ZFHX3: variants seen among roughly 807,000 people sequenced by gnomAD.
ZFHX3 encodes zinc finger homeobox 3, also known as zinc finger homeobox protein 3.
In ZFHX3, 42 loss-of-function variants were observed where a neutral mutation model predicts 279.1. The ratio of observed to expected loss-of-function variants is 0.15; its 90% confidence interval spans 0.12 to 0.19. The LOEUF (loss-of-function observed/expected upper bound fraction) is 0.19, where lower values mean the gene tolerates loss of function less well. ZFHX3 is among the 10% of genes least tolerant of loss of function. ZFHX3 has a pLI of 1.00. For missense variants in ZFHX3, 4,981 were observed against 4,754.0 expected (o/e 1.05, Z -1.40); for synonymous variants, 2,293 against 1,957.8 (o/e 1.17, Z -4.52).
chr16:73,588,482 C>T (rs183632268), intron 2 of ZFHX3, among the ~76,000 whole-genome samples: 60 of 151,252 alleles, frequency 4.0e-4, no homozygotes, highest in East Asian at 3.7e-3. Context: ...GCCAGGAGAT[C>T]GAGACCATCC....
chr16:73,545,760 G>C (rs975453491), intron 2 of ZFHX3, among the ~76,000 whole-genome samples: 24 of 150,578 alleles, frequency 1.6e-4, no homozygotes, highest in African/African-American at 5.6e-4. Context: ...TCAGGAAACA[G>C]AGGCAGAAAT....
intron 1 of ZFHX3, among the ~76,000 whole-genome samples, chr16:73,833,421 G>T (rs965794123): frequency 6.6e-6 from 1 of 152,142 alleles, no homozygotes; most frequent in Non-Finnish European, 1.5e-5. Context: ...ATAAAGCACA[G>T]TTCCTGTCCT....
intron 5 of ZFHX3, among the ~76,000 whole-genome samples, chr16:72,827,362 G>C (rs1325201850): frequency 1.3e-5 from 2 of 152,138 alleles, no homozygotes; most frequent in East Asian, 3.8e-4. Context: ...AATCCTCGTA[G>C]CAATCCTACA....
chr16:72,852,304 A>T (rs980783724), intron 4 of ZFHX3, among the ~76,000 whole-genome samples: 1 of 152,056 alleles, frequency 6.6e-6, no homozygotes, highest in Non-Finnish European at 1.5e-5. Flanking sequence ...ATTCGTTTGC[A>T]TTTTTTTTCT....
At chr16:73,259,896 T>A (rs2013769302) in intron 4 of ZFHX3, among the ~76,000 whole-genome samples, 1 of 152,212 alleles carries the variant, frequency 6.6e-6, no homozygotes, top group Non-Finnish European at 1.5e-5. Context: ...AATCAAGAAA[T>A]TAACATTGCT....
At position 73,739,209 on chromosome 16, in the gene ZFHX3, G is replaced by T. The variant is rs576608163; in HGVS notation, c.-1607-58969C>A. Among the ~76,000 whole-genome samples, 5 of 152,302 alleles carry T rather than the reference G, an allele frequency of 3.3e-5. No individual in the cohort carries two copies. The East Asian group carries it at 9.6e-4, about 29-fold the overall frequency. On this transcript the variant is annotated intron_variant, in intron 1 of 17. Transcript: ENST00000641206. ...GTTTCTGCTTTCCTGACTAGGCTCT[G>T]ACAGATACACAGGAGTTGTGCATTT...
intron 3 of ZFHX3, among the ~76,000 whole-genome samples, chr16:73,380,886 A>G (rs1310710885): frequency 6.6e-6 from 1 of 152,112 alleles, no homozygotes; most frequent in Non-Finnish European, 1.5e-5. Flanking sequence ...GGGTCACTCT[A>G]TCCTCACCAG....
intron 8 of ZFHX3, among the ~76,000 whole-genome samples, chr16:73,077,072 G>C (rs904581871): frequency 2.0e-5 from 3 of 152,070 alleles, no homozygotes; most frequent in Admixed American, 1.3e-4. Context: ...TCTCAAAAAG[G>C]ATGCGCTAAT....
chr16:73,494,647 G>A (rs769959425), intron 2 of ZFHX3, among the ~76,000 whole-genome samples: 7 of 149,472 alleles, frequency 4.7e-5, no homozygotes, highest in East Asian at 2.0e-4. Flanking sequence ...CGCAACCTCC[G>A]CCCACGGGTT....
At chr16:73,190,376 T>C (rs1968004399) in intron 5 of ZFHX3, among the ~76,000 whole-genome samples, 1 of 152,150 alleles carries the variant, frequency 6.6e-6, no homozygotes. Flanking sequence ...TTAGAGAGAA[T>C]GGGGACAGGC....
intron 2 of ZFHX3, among the ~76,000 whole-genome samples, chr16:73,541,767 C>T (rs2020016466): frequency 6.7e-6 from 1 of 150,128 alleles, no homozygotes; most frequent in African/African-American, 2.5e-5. Flanking sequence ...GTCCTCCTGC[C>T]CTCCTGTTTG....
chr16:73,773,420 C>A (rs1257840493), intron 1 of ZFHX3, among the ~76,000 whole-genome samples: 2 of 152,178 alleles, frequency 1.3e-5, no homozygotes, highest in Admixed American at 6.5e-5. Flanking sequence ...TGGTCCTCAC[C>A]TTTATGCATC....
upstream of ZFHX3, among the ~76,000 whole-genome samples, chr16:73,052,193 G>A (rs553836227): frequency 2.7e-5 from 4 of 150,502 alleles, no homozygotes; most frequent in East Asian, 5.9e-4. Context: ...ATGGGATACT[G>A]CCTGTTTATA....
At chr16:72,816,197 A>C (rs2036601508) in intron 5 of ZFHX3, among the ~76,000 whole-genome samples, 1 of 152,208 alleles carries the variant, frequency 6.6e-6, no homozygotes, top group South Asian at 2.1e-4. Context: ...TTTAAGTTCA[A>C]CTGTCCATGA....
intron 1 of ZFHX3, among the ~76,000 whole-genome samples, chr16:72,967,576 A>G (rs1476599950): frequency 6.6e-6 from 1 of 152,162 alleles, no homozygotes; most frequent in African/African-American, 2.4e-5. Flanking sequence ...CATCTTCATC[A>G]TCATCCACTC....
chr16:73,623,492 T>G (rs2052387677), intron 2 of ZFHX3, among the ~76,000 whole-genome samples: 1 of 152,134 alleles, frequency 6.6e-6, no homozygotes, highest in Admixed American at 6.5e-5. Context: ...AGGGCCCATA[T>G]AAAACAGGCA....
chr16:73,705,369 G>A (rs952943737), intron 1 of ZFHX3, among the ~76,000 whole-genome samples: 5 of 152,110 alleles, frequency 3.3e-5, no homozygotes, highest in African/African-American at 1.2e-4. Flanking sequence ...TTCTGGTCCA[G>A]GGTGAGAGGG....
At position 73,011,856 on chromosome 16, in the gene ZFHX3, C is replaced by CT. The variant is rs1017065503; in HGVS notation, c.-50+35895dup. On this transcript the variant is annotated intron_variant, in intron 1 of 9. Transcript: ENST00000268489. ...TCCTCAACTCAATTCGGTGGGATACCTTTTTTTATCTTGGTGTTATTTGGG... is the reference window on the plus strand; with the variant it reads ...TCCTCAACTCAATTCGGTGGGATACCTTTTTTTTATCTTGGTGTTATTTGGG... 3.3e-5 allele frequency among the ~76,000 whole-genome samples: 5 copies of CT among 151,882 alleles called. No homozygotes were observed. The East Asian group carries it at 9.7e-4, about 29-fold the overall frequency.
upstream of ZFHX3, among the ~76,000 whole-genome samples, chr16:73,052,318 A>C (rs1187789605): frequency 2.6e-5 from 4 of 151,606 alleles, no homozygotes; most frequent in Non-Finnish European, 5.9e-5. Context: ...TCGAAAGTAC[A>C]ACAACCAGGG....
Sources: allele counts gnomAD v4.1 joint callset (sites outside exome capture counted in the v4.1 genomes callset), GRCh38; gene constraint gnomAD v4.1.1; transcripts MANE v1.5; gene names NCBI Gene and HGNC (gene_info 2026-07-23, HGNC 2026-07-21).